KSR1: variants seen among roughly 807,000 people sequenced by gnomAD.
The protein encoded by KSR1 is kinase suppressor of ras.
Under a neutral mutation model 92.9 loss-of-function variants are expected in KSR1, and 35 were observed. The observed-to-expected ratio is 0.38, with a 90% confidence interval of 0.29 to 0.50. KSR1 has a LOEUF of 0.50. Among genes scored for constraint, KSR1 ranks in the 20% least tolerant of loss-of-function variants. The pLI is 0.94. For missense variants in KSR1, 972 were observed against 1,158.5 expected (o/e 0.84, Z 2.34); for synonymous variants, 467 against 472.6 (o/e 0.99, Z 0.15).
intron 15 of KSR1, among the ~76,000 whole-genome samples, chr17:27,608,297 T>C (rs903633746): frequency 3.9e-5 from 6 of 152,244 alleles, no homozygotes; most frequent in African/African-American, 1.4e-4. Flanking sequence ...ACACCCTTTG[T>C]GTGACCTTGG....
intron 1 of KSR1, chr17:27,527,088 G>C: frequency 4.8e-6 from 2 of 416,486 alleles, no homozygotes; most frequent in Non-Finnish European, 9.3e-6. Context: ...TACATTGATT[G>C]CTTAAGGGCA....
In KSR1 at chr17:27,475,042, A is replaced by G. The variant is rs578256023; in HGVS notation, c.231+18168A>G. Among the ~76,000 whole-genome samples, 16 of 152,322 alleles carry G rather than the reference A, an allele frequency of 1.1e-4. No homozygotes were observed. In the East Asian group the frequency reaches 2.9e-3, roughly 28 times the overall value. On this transcript the variant is annotated intron_variant, in intron 1 of 20. Transcript: ENST00000644974. ...AAGTGAGGGGTCAGGATGGGTTTGC[A>G]GAGGAGGTGATATTTGAGTAAAGAC...
At chr17:27,511,586 G>A (rs751309308) in intron 1 of KSR1, among the ~76,000 whole-genome samples, 2 of 152,230 alleles carry the variant, frequency 1.3e-5, no homozygotes, top group Admixed American at 6.5e-5. Context: ...GACCTGGGGC[G>A]AGGTGGGAGT....
intron 11 of KSR1, among the ~76,000 whole-genome samples, chr17:27,602,349 C>T (rs753607471): frequency 1.3e-5 from 2 of 152,162 alleles, no homozygotes; most frequent in Non-Finnish European, 2.9e-5. Context: ...AGTTTCACAC[C>T]GGTTTTTTGT....
chr17:27,613,605 G>C (rs2073980942), intron 18 of KSR1, among the ~76,000 whole-genome samples: 1 of 152,184 alleles, frequency 6.6e-6, no homozygotes, highest in Non-Finnish European at 1.5e-5. Context: ...CCCTGTGCAG[G>C]TTCCCTCATC....
chr17:27,571,964 C>T (rs1412425231), intron 2 of KSR1, among the ~76,000 whole-genome samples: 1 of 152,218 alleles, frequency 6.6e-6, no homozygotes, highest in Non-Finnish European at 1.5e-5. Flanking sequence ...TGATACCTAA[C>T]TGGCCCTGAG....
intron 16 of KSR1, 103 bp from the exon 17 acceptor site, chr17:27,609,962 CTG>C: frequency 7.0e-7 from 1 of 1,434,796 alleles, no homozygotes; most frequent in Non-Finnish European, 9.5e-7. Context: ...GTTTTCTAAG[CTG>C]TGTGTGGGTG....
chr17:27,602,466 T>C (rs1387865249), intron 11 of KSR1, among the ~76,000 whole-genome samples: 1 of 152,208 alleles, frequency 6.6e-6, no homozygotes, highest in African/African-American at 2.4e-5. Context: ...CCCGAAGATA[T>C]GTCACAGGGA....
rs765988187 is a variant in KSR1 at position 27,604,684 on chromosome 17, G to A, written c.1570G>A (p.Asp524Asn). Residue 524 changes from aspartate to asparagine, a missense_variant, in exon 13 of 21, where the codon GAT (aspartate) becomes AAT (asparagine). Physicochemically the swap from Asp to Asn is conservative, Grantham distance 23 (BLOSUM62 1). This residue lies in a region of KSR1 where 611 missense variants were observed against 668.0 expected (regional missense o/e 0.91). Transcript: ENST00000644974. ...ACAAACCTTGTTTACTCTTAGGCTC[G>A]ATGACCAGCCGAAAGCAGATGTGTT... is the stretch of plus-strand genomic sequence containing the variant. The part of the protein sequence containing the change: ...LPEAADGTRL[D>N]DQPKADVLEA... 1.1e-5 allele frequency: 17 copies of A among 1,613,888 alleles called. No individual in the cohort carries two copies. The highest frequency in any genetic ancestry group is 1.6e-4 in the Middle Eastern group (1 of 6,084).
chr17:27,595,393 A>G (rs2151202133), intron 9 of KSR1, among the ~76,000 whole-genome samples: 1 of 152,234 alleles, frequency 6.6e-6, no homozygotes, highest in African/African-American at 2.4e-5. Flanking sequence ...ACACACTCCC[A>G]CCTTTGTGAT....
At chr17:27,498,315 G>A (rs1274133042) in intron 1 of KSR1, among the ~76,000 whole-genome samples, 2 of 142,432 alleles carry the variant, frequency 1.4e-5, no homozygotes, top group African/African-American at 5.4e-5. Context: ...TCCAGCCTGG[G>A]CAATAGAGTG....
At chr17:27,534,737 G>A (rs965558600) in intron 1 of KSR1, among the ~76,000 whole-genome samples, 3 of 152,190 alleles carry the variant, frequency 2.0e-5, no homozygotes, top group Non-Finnish European at 2.9e-5. Context: ...GAGGTGCACA[G>A]GGCCTAGGGG....
intron 2 of KSR1, among the ~76,000 whole-genome samples, chr17:27,576,805 T>G (rs2072523579): frequency 6.6e-6 from 1 of 152,222 alleles, no homozygotes; most frequent in Non-Finnish European, 1.5e-5. Context: ...TAACTGAAAC[T>G]GCAGATAAGA....
intron 14 of KSR1, 108 bp downstream of exon 14, chr17:27,605,921 C>A: frequency 7.0e-7 from 1 of 1,434,924 alleles, no homozygotes; most frequent in South Asian, 1.3e-5. Flanking sequence ...CTAATAGAGG[C>A]ATAAAGAAGA....
intron 1 of KSR1, among the ~76,000 whole-genome samples, chr17:27,531,143 G>A (rs749293265): frequency 1.3e-5 from 2 of 152,212 alleles, no homozygotes; most frequent in Non-Finnish European, 2.9e-5. Flanking sequence ...CTCCTCCCTT[G>A]GGGCCAGTGC....
chr17:27,547,870 GC>G, intron 1 of KSR1, among the ~76,000 whole-genome samples: 1 of 152,018 alleles, frequency 6.6e-6, no homozygotes, highest in Non-Finnish European at 1.5e-5. Context: ...GTGCCACCAT[GC>G]CTGGCTAATT....
In KSR1 at chr17:27,514,931, C is replaced by T. The variant is rs73271943; in HGVS notation, c.232-35637C>T. Among the ~76,000 whole-genome samples, 195 of 152,262 alleles carry T rather than the reference C, an allele frequency of 1.3e-3. No homozygotes were observed. In the Middle Eastern group the frequency reaches 0.017, roughly 13 times the overall value. ...AGGAAAACTAACTTTCTGGAAGTACCAAGCAATAGGCTTTCCCTTACATTT... is the reference window on the plus strand; with the variant it reads ...AGGAAAACTAACTTTCTGGAAGTACTAAGCAATAGGCTTTCCCTTACATTT... On this transcript the variant is annotated intron_variant, in intron 1 of 20. Transcript: ENST00000644974.
intron 18 of KSR1, chr17:27,613,179 A>G (rs2073966016): frequency 6.6e-6 from 1 of 152,448 alleles, no homozygotes; most frequent in South Asian, 2.1e-4. Context: ...GGTGATGAGC[A>G]CTTCTCTGAC....
At chr17:27,502,934 C>T (rs1220850879) in intron 1 of KSR1, among the ~76,000 whole-genome samples, 1 of 152,218 alleles carries the variant, frequency 6.6e-6, no homozygotes, top group Admixed American at 6.5e-5. Flanking sequence ...GTAACAGTAA[C>T]ACAGTGAGCC....
Sources: gnomAD v4.1 joint callset for allele counts (sites outside exome capture counted in the v4.1 genomes callset) on GRCh38, gnomAD v4.1.1 for gene constraint, gnomAD v4.1.1 regional missense constraint, MANE v1.5 for transcripts, NCBI Gene and HGNC (gene_info 2026-07-23, HGNC 2026-07-21) for gene names.